The following ZMYM4 variants were observed in gnomAD, a reference collection of about 807,000 sequenced individuals.
ZMYM4 encodes zinc finger MYM-type protein 4.
In ZMYM4, 31 loss-of-function variants were observed where a neutral mutation model predicts 183.2. The ratio of observed to expected loss-of-function variants is 0.17; its 90% CI spans 0.13 to 0.23. The LOEUF is 0.23. ZMYM4 is among the 10% of genes least tolerant of loss of function. The probability of loss-of-function intolerance (pLI) is 1.00; values close to 1 mark genes in which losing one functional copy is unlikely to be tolerated. For missense variants in ZMYM4, 1,273 were observed against 1,840.3 expected (o/e 0.69, Z 5.64); for synonymous variants, 592 against 631.2 (o/e 0.94, Z 0.93).
At chr1:35,310,587 C>CT (rs1196176321) in intron 1 of ZMYM4, among the ~76,000 whole-genome samples, 8 of 150,582 alleles carry the variant, frequency 5.3e-5, no homozygotes, top group Admixed American at 1.3e-4. Flanking sequence ...TTTTTCTTTT[C>CT]TTTTTTTTGA....
intron 2 of ZMYM4, among the ~76,000 whole-genome samples, chr1:35,339,459 T>TCCTGA (rs1222276450): frequency 1.3e-5 from 2 of 152,166 alleles, no homozygotes; most frequent in Non-Finnish European, 2.9e-5. Context: ...GGTCTCAAAC[T>TCCTGA]CCTGACCTCA....
chr1:35,281,671 T>C (rs1413100037), intron 1 of ZMYM4, among the ~76,000 whole-genome samples: 2 of 150,876 alleles, frequency 1.3e-5, no homozygotes, highest in Non-Finnish European at 1.5e-5. Flanking sequence ...AATATATATA[T>C]ATATATATAA....
rs1355502218 is a variant in ZMYM4, at chr1:35,415,703, A to G, written c.4298A>G (p.Glu1433Gly). The G allele has an allele frequency of 6.2e-7, 1 of 1,611,750 alleles. No individual in the cohort carries two copies. Among genetic ancestry groups the G allele is most frequent in the East Asian group, 2.2e-5 (1 of 44,898 alleles). ...LRFFPPLQKQ[E>G]SEPDKLTVGK... ...TTCTTCCCACCTTTACAGAAGCAGG[A>G]GTCAGAACCAGGTACGGGATACTGT... Residue 1433 changes from glutamate to glycine, a missense_variant, in exon 28 of 30, where the codon GAG becomes GGG. Around this residue, in one of 6 missense-constraint regions of ZMYM4, gnomAD observed 145 missense variants for 331.6 expected, o/e 0.44. Coordinates refer to ENST00000314607, the MANE Select transcript of ZMYM4 (RefSeq NM_005095.3).
intron 1 of ZMYM4, among the ~76,000 whole-genome samples, chr1:35,299,310 C>T (rs931048642): frequency 6.6e-6 from 1 of 151,654 alleles, no homozygotes; most frequent in African/African-American, 2.4e-5. Flanking sequence ...GCGTCTTGAA[C>T]AAAGAATTGG....
intron 2 of ZMYM4, among the ~76,000 whole-genome samples, chr1:35,350,480 T>C (rs1008766438): frequency 8.6e-5 from 13 of 152,034 alleles, no homozygotes; most frequent in African/African-American, 3.1e-4. Flanking sequence ...GTAAGTGGGG[T>C]TTTGCCATGT....
At chr1:35,346,622 G>C (rs1323886611) in intron 2 of ZMYM4, among the ~76,000 whole-genome samples, 1 of 126,386 alleles carries the variant, frequency 7.9e-6, no homozygotes, top group African/African-American at 3.2e-5. Flanking sequence ...CTGTACTCCA[G>C]CCTGGGTCAC....
chr1:35,419,916 A>G lies in ZMYM4; in HGVS notation c.*239A>G, dbSNP rs779638314. The G allele has an allele frequency of 1.9e-4, 94 of 500,354 alleles. No individual in the cohort carries two copies. Among genetic ancestry groups the G allele is most frequent in the Middle Eastern group, 5.6e-4 (1 of 1,774 alleles). The allele number at this position is 500,354 out of a possible 1,614,324, so 31.0% of individuals were successfully genotyped here. On this transcript the variant is annotated 3_prime_UTR_variant, in exon 30 of 30. Coordinates refer to ENST00000314607, the MANE Select transcript of ZMYM4 (RefSeq NM_005095.3). ...TTCTTAGACATCTTCAGAATGACTA[A>G]TTTCTCCGAGTGGTGCATAATCTTA...
At chr1:35,382,173 TACACACATACAC>T (rs1558131880) in intron 9 of ZMYM4, among the ~76,000 whole-genome samples, 6 of 121,170 alleles carry the variant, frequency 5.0e-5, no homozygotes, top group Admixed American at 2.6e-4. Flanking sequence ...AATGTATATA[TACACACATACAC>T]ACACACACAC....
intron 2 of ZMYM4, among the ~76,000 whole-genome samples, chr1:35,327,493 CT>C (rs1335076590): frequency 6.6e-6 from 1 of 152,048 alleles, no homozygotes; most frequent in African/African-American, 2.4e-5. Flanking sequence ...AGGATCTGTA[CT>C]TTCTTTCTCT....
At chr1:35,285,381 A>G (rs528571408) in intron 1 of ZMYM4, among the ~76,000 whole-genome samples, 5 of 152,214 alleles carry the variant, frequency 3.3e-5, no homozygotes, top group African/African-American at 1.2e-4. Context: ...CTTTTAGTGT[A>G]CAAGTCTTGT....
At chr1:35,351,025 T>C in intron 2 of ZMYM4, 1 of 906,012 alleles carries the variant, frequency 1.1e-6, no homozygotes, top group Non-Finnish European at 1.8e-6. Context: ...TGTACTGGCC[T>C]GCTGCTGGCC....
At chr1:35,313,007 C>T (rs1557977792) in intron 1 of ZMYM4, among the ~76,000 whole-genome samples, 1 of 152,208 alleles carries the variant, frequency 6.6e-6, no homozygotes, top group Non-Finnish European at 1.5e-5. Context: ...GATTCTCCTG[C>T]CCCAGCCTCC....
intron 7 of ZMYM4, among the ~76,000 whole-genome samples, chr1:35,371,827 A>G (rs965300014): frequency 2.6e-5 from 4 of 152,168 alleles, no homozygotes; most frequent in African/African-American, 9.7e-5. Flanking sequence ...TTTATGCTTC[A>G]TTTTTTTGAA....
chr1:35,386,079 C>A lies in ZMYM4; in HGVS notation c.1726C>A (p.Gln576Lys), dbSNP rs757621035. 4 of 1,611,570 alleles carry A rather than the reference C, an allele frequency of 2.5e-6. No individual in the cohort carries two copies. The South Asian group carries it at 3.3e-5, about 13-fold the overall frequency. Residue 576 changes from glutamine to lysine, a missense_variant, in exon 11 of 30, where the codon CAA becomes AAA. This residue lies in a region of ZMYM4 where 319 missense variants were observed against 518.1 expected (regional missense o/e 0.62). Transcript: ENST00000314607. ...RVKMVTSAGV[Q>K]VQCNSCKTSA... ...TTTTATTTTGATTTGCTAAGGTGTA[C>A]AAGTTCAGTGTAACAGTTGTAAAAC... is the stretch of plus-strand genomic sequence containing the variant.
intron 5 of ZMYM4, among the ~76,000 whole-genome samples, chr1:35,361,998 T>C: frequency 6.6e-6 from 1 of 152,240 alleles, no homozygotes; most frequent in East Asian, 1.9e-4. Flanking sequence ...TTTAATCATC[T>C]TTGTTTCTTA....
At chr1:35,397,294 A>G (rs1479733110) in intron 19 of ZMYM4, 83 bp from the exon 20 acceptor site, 2 of 1,354,360 alleles carry the variant, frequency 1.5e-6, no homozygotes, top group East Asian at 2.4e-5. Context: ...TACTATTTTA[A>G]TACCTAAATC....
chr1:35,335,499 C>G (rs1026593630), intron 2 of ZMYM4, among the ~76,000 whole-genome samples: 1 of 152,128 alleles, frequency 6.6e-6, no homozygotes, highest in Non-Finnish European at 1.5e-5. Context: ...CTCTGCCTCG[C>G]AAATGCTGGG....
chr1:35,399,500 A>G lies in ZMYM4; in HGVS notation c.3452A>G (p.Asn1151Ser), dbSNP rs751988902. Residue 1151 changes from asparagine to serine, a missense_variant, in exon 23 of 30, where the codon AAT (asparagine) becomes AGT (serine). By Grantham distance (46) the Asn-to-Ser change is conservative. Around this residue, in one of 6 missense-constraint regions of ZMYM4, gnomAD observed 133 missense variants for 155.7 expected, o/e 0.85. Transcript: ENST00000314607. ...ATTATAGACTCCTTTGACCCACTTAATAAAGGACAGGGAATCCAGGCACGT... is the reference window on the plus strand; with the variant it reads ...ATTATAGACTCCTTTGACCCACTTAGTAAAGGACAGGGAATCCAGGCACGT... ...DFPSDSFDPL[N>S]KGQGIQARSR... 72 of 1,613,928 alleles carry G rather than the reference A, an allele frequency of 4.5e-5. No individual in the cohort carries two copies. The highest frequency in any genetic ancestry group is 1.2e-4 in the Admixed American group (7 of 59,992).
At chr1:35,418,685 T>C in intron 29 of ZMYM4, 113 bp downstream of exon 29, 2 of 1,366,698 alleles carry the variant, frequency 1.5e-6, no homozygotes, top group Non-Finnish European at 2.0e-6. Context: ...GACAAGGATT[T>C]ACCATGAATT....
Sources: gnomAD v4.1 joint callset for allele counts (sites outside exome capture counted in the v4.1 genomes callset) on GRCh38, gnomAD v4.1.1 for gene constraint, gnomAD v4.1.1 regional missense constraint, MANE v1.5 for transcripts, NCBI Gene and HGNC (gene_info 2026-07-23, HGNC 2026-07-21) for gene names.